The following RORB variants were observed in gnomAD, a reference collection of about 807,000 sequenced individuals.
RORB encodes nuclear receptor ROR-beta.
RORB carries 6 observed loss-of-function variants against 59.1 expected under a neutral mutation model. The observed-to-expected ratio is 0.10, with a 90% confidence interval of 0.06 to 0.20. The LOEUF (loss-of-function observed/expected upper bound fraction) is 0.20, where lower values mean the gene tolerates loss of function less well. RORB is among the 10% of genes least tolerant of loss of function. RORB has a pLI of 1.00. For missense variants in RORB, 320 were observed against 560.5 expected (o/e 0.57, Z 4.33); for synonymous variants, 215 against 204.5 (o/e 1.05, Z -0.44).
chr9:74,575,816 C>T (rs1563941949), intron 1 of RORB, among the ~76,000 whole-genome samples: 1 of 152,006 alleles, frequency 6.6e-6, no homozygotes. Context: ...TATTAGACCC[C>T]ACAGAGTAGG....
At chr9:74,620,277 G>C (rs984136130) in intron 1 of RORB, among the ~76,000 whole-genome samples, 12 of 152,308 alleles carry the variant, frequency 7.9e-5, no homozygotes, top group African/African-American at 2.9e-4. Context: ...TTGGGAGGGT[G>C]TATGTGTCGA....
chr9:74,556,088 GC>G (rs1822287190), intron 1 of RORB, among the ~76,000 whole-genome samples: 1 of 152,068 alleles, frequency 6.6e-6, no homozygotes, highest in Non-Finnish European at 1.5e-5. Context: ...GTTACTTTCT[GC>G]CTTTGTAATT....
Position 74,588,353 on chromosome 9 carries a change from G to T in RORB, c.8-41929G>T, listed in dbSNP as rs541709842. Reference sequence around the variant, plus strand: ...GAACAGTACAAAAAGTGAGGTTGTGGTTCAGTAAACATATGGATATACTGT... The same window carrying T: ...GAACAGTACAAAAAGTGAGGTTGTGTTTCAGTAAACATATGGATATACTGT... On this transcript the variant is annotated intron_variant, in intron 1 of 9. Coordinates refer to ENST00000376896, the MANE Select transcript of RORB (RefSeq NM_006914.4). Among the ~76,000 whole-genome samples the T allele has an allele frequency of 9.2e-5, 14 of 152,254 alleles. No individual in the cohort carries two copies. In the East Asian group the frequency reaches 2.7e-3, roughly 29 times the overall value.
intron 1 of RORB, among the ~76,000 whole-genome samples, chr9:74,627,406 G>A (rs1823538504): frequency 1.3e-5 from 2 of 152,116 alleles, no homozygotes; most frequent in South Asian, 2.1e-4. Flanking sequence ...CTTTAAAAAT[G>A]TTGTTAAGAT....
intron 6 of RORB, among the ~76,000 whole-genome samples, 174 bp from the exon 7 acceptor site, chr9:74,665,314 G>A (rs1029026725): frequency 1.3e-5 from 2 of 151,926 alleles, no homozygotes; most frequent in Non-Finnish European, 2.9e-5. Context: ...AGTTATTTTA[G>A]GGGAAGGAAC....
At chr9:74,611,901 C>T (rs973522742) in intron 1 of RORB, among the ~76,000 whole-genome samples, 3 of 152,118 alleles carry the variant, frequency 2.0e-5, no homozygotes, top group Non-Finnish European at 4.4e-5. Context: ...CCACCCACCT[C>T]GGCCTCCCAA....
intron 1 of RORB, among the ~76,000 whole-genome samples, chr9:74,500,542 T>A (rs981339805): frequency 6.6e-6 from 1 of 152,040 alleles, no homozygotes; most frequent in Non-Finnish European, 1.5e-5. Context: ...ATTTCCCTCA[T>A]CCACACGCGC....
intron 9 of RORB, among the ~76,000 whole-genome samples, chr9:74,682,542 C>T (rs1024524304): frequency 6.6e-6 from 1 of 151,978 alleles, no homozygotes; most frequent in Non-Finnish European, 1.5e-5. Flanking sequence ...CTCCAAAGTC[C>T]ATGTTCTTTA....
intron 1 of RORB, among the ~76,000 whole-genome samples, chr9:74,506,644 G>A (rs1825874644): frequency 6.6e-6 from 1 of 152,154 alleles, no homozygotes; most frequent in East Asian, 1.9e-4. Context: ...CAGACTCTGA[G>A]CTGGGATAAA....
At chr9:74,601,379 A>G (rs867881518) in intron 1 of RORB, among the ~76,000 whole-genome samples, 84 of 148,772 alleles carry the variant, frequency 5.6e-4, no homozygotes, top group Admixed American at 1.1e-3. Context: ...AATTATATAT[A>G]TATTATATAT....
chr9:74,643,404 A>C (rs1357254057), intron 4 of RORB, among the ~76,000 whole-genome samples: 3 of 152,158 alleles, frequency 2.0e-5, no homozygotes, highest in Non-Finnish European at 4.4e-5. Context: ...ATAGAACATG[A>C]GAGCAACAAA....
chr9:74,572,195 A>G (rs1244671347), intron 1 of RORB, among the ~76,000 whole-genome samples: 1 of 152,186 alleles, frequency 6.6e-6, no homozygotes, highest in Non-Finnish European at 1.5e-5. Flanking sequence ...GCTAAATTCA[A>G]CGGGATAGGG....
At chr9:74,521,356 C>A (rs1285187766) in intron 1 of RORB, among the ~76,000 whole-genome samples, 1 of 151,736 alleles carries the variant, frequency 6.6e-6, no homozygotes, top group African/African-American at 2.4e-5. Flanking sequence ...TAAAGTGTTT[C>A]TTTTCCTTCA....
intron 1 of RORB, among the ~76,000 whole-genome samples, chr9:74,573,907 G>A (rs920179994): frequency 6.6e-6 from 1 of 152,216 alleles, no homozygotes; most frequent in Non-Finnish European, 1.5e-5. Flanking sequence ...GCTGGACAGG[G>A]TATCAAAGCT....
At chr9:74,664,444 T>C (rs1824236831) in intron 6 of RORB, among the ~76,000 whole-genome samples, 1 of 151,422 alleles carries the variant, frequency 6.6e-6, no homozygotes, top group Non-Finnish European at 1.5e-5. Flanking sequence ...TTTTCAAGCC[T>C]CATGTAACTC....
At chr9:74,572,946 G>T (rs1408747490) in intron 1 of RORB, among the ~76,000 whole-genome samples, 2 of 152,146 alleles carry the variant, frequency 1.3e-5, no homozygotes, top group South Asian at 4.1e-4. Flanking sequence ...AGCTGAATTT[G>T]AGACGGTAAT....
At chr9:74,498,598 G>C (rs899831728) in intron 1 of RORB, 3 of 152,592 alleles carry the variant, frequency 2.0e-5, no homozygotes, top group Non-Finnish European at 2.9e-5. Context: ...GCGCGCCTTC[G>C]TGCCGGCGCT....
chr9:74,612,446 T>A (rs1823244241), intron 1 of RORB, among the ~76,000 whole-genome samples: 1 of 152,082 alleles, frequency 6.6e-6, no homozygotes, highest in South Asian at 2.1e-4. Flanking sequence ...AGGAAGGTGA[T>A]GTGATAAAAC....
chr9:74,567,815 G>A (rs1234096534), intron 1 of RORB, among the ~76,000 whole-genome samples: 2 of 152,140 alleles, frequency 1.3e-5, no homozygotes, highest in African/African-American at 4.8e-5. Context: ...TTCATTCGAA[G>A]GCATTGCATG....
Sources: allele counts gnomAD v4.1 joint callset (sites outside exome capture counted in the v4.1 genomes callset), GRCh38; gene constraint gnomAD v4.1.1; transcripts MANE v1.5; gene names NCBI Gene and HGNC (gene_info 2026-07-23, HGNC 2026-07-21).